Variants in PDCD11 observed in about 807,000 individuals in gnomAD.
PDCD11 encodes protein RRP5 homolog.
Under a neutral mutation model 198.9 loss-of-function variants are expected in PDCD11, and 97 were observed. The ratio of observed to expected loss-of-function variants is 0.49; its 90% CI spans 0.41 to 0.58. The LOEUF (loss-of-function observed/expected upper bound fraction) is 0.58, where lower values mean the gene tolerates loss of function less well. Among genes scored for constraint, PDCD11 ranks in the 20% least tolerant of loss-of-function variants. PDCD11 has a pLI of 0.00. For missense variants in PDCD11, 2,102 were observed against 2,312.7 expected (o/e 0.91, Z 1.87); for synonymous variants, 893 against 918.0 (o/e 0.97, Z 0.49).
At position 103,438,780 on chromosome 10, in the gene PDCD11, T is replaced by C; in HGVS notation, c.3997T>C (p.Ser1333Pro). Reference sequence around the variant, plus strand: ...GCAGCTTCTGAGGGGCTATGTAGGGTCCATCCAGCCACACGGTGTGTTCTT... The same window carrying C: ...GCAGCTTCTGAGGGGCTATGTAGGGCCCATCCAGCCACACGGTGTGTTCTT... The part of the protein sequence containing the change: ...EGQLLRGYVG[S>P]IQPHGVFFRL... The change falls in exon 27 of 36, where the codon TCC becomes CCC. Residue 1333 changes from serine to proline, a missense_variant. Physicochemically the swap from Ser to Pro is moderately conservative, Grantham distance 74. Transcript: ENST00000369797. 6.2e-7 allele frequency: 1 copy of C among 1,614,010 alleles called. No homozygotes were observed. Among genetic ancestry groups the C allele is most frequent in the Non-Finnish European group, 8.5e-7 (1 of 1,179,998 alleles).
Position 103,442,467 on chromosome 10 carries a change from G to T in PDCD11, c.4955+7G>T, listed in dbSNP as rs774919781. 6.2e-7 allele frequency: 1 copy of T among 1,611,682 alleles called. No individual in the cohort carries two copies. ...TTAAGACCATCTCCTTCAGGTCTCAGCTTTGCCCCAGGGAGCACAGTGTCT... is the reference window on the plus strand; with the variant it reads ...TTAAGACCATCTCCTTCAGGTCTCATCTTTGCCCCAGGGAGCACAGTGTCT... On this transcript the variant is annotated splice_region_variant and intron_variant, in intron 32 of 35. Coordinates refer to ENST00000369797, the MANE Select transcript of PDCD11 (RefSeq NM_014976.2).
chr10:103,419,727 A>T lies in PDCD11; in HGVS notation c.2277+19A>T. The stretch of plus-strand genomic sequence containing the variant: ...AAAAGCTGTAAGTTCAACTCCATGT[A>T]CAAGGGCTTTGAGGAGAGATACAAG... On this transcript the variant is annotated intron_variant, in intron 16 of 35. Transcript: ENST00000369797. 6.2e-7 allele frequency: 1 copy of T among 1,612,266 alleles called. No individual in the cohort carries two copies. Among genetic ancestry groups the T allele is most frequent in the Non-Finnish European group, 8.5e-7 (1 of 1,178,730 alleles).
chr10:103,415,213 G>A (rs1478059065), intron 12 of PDCD11, 62 bp downstream of exon 12: 1 of 1,561,828 alleles, frequency 6.4e-7, no homozygotes, highest in East Asian at 2.2e-5. Context: ...GTTCTCAACT[G>A]AAGTTTCTGC....
chr10:103,438,595 TA>T, intron 26 of PDCD11, 90 bp from the exon 27 acceptor site: 1 of 1,528,924 alleles, frequency 6.5e-7, no homozygotes, highest in East Asian at 2.3e-5. Context: ...GTCATATTCT[TA>T]TTTACTAAGT....
At chr10:103,412,607 A>G (rs977666741) in intron 8 of PDCD11, among the ~76,000 whole-genome samples, 2 of 152,186 alleles carry the variant, frequency 1.3e-5, no homozygotes, top group African/African-American at 4.8e-5. Context: ...GATTATAGGC[A>G]TCAGCCACTG....
chr10:103,404,720 G>A (rs1263198189), intron 4 of PDCD11, among the ~76,000 whole-genome samples: 2 of 152,258 alleles, frequency 1.3e-5, no homozygotes, highest in Non-Finnish European at 2.9e-5. Context: ...GGGGTGGAAA[G>A]CAGATTGCAG....
intron 15 of PDCD11, 47 bp downstream of exon 15, chr10:103,418,681 G>T: frequency 6.6e-7 from 1 of 1,519,556 alleles, no homozygotes. Flanking sequence ...GGGGGGCCAT[G>T]GGTGCTTGGA....
rs2031556594 is a variant in PDCD11, at chr10:103,423,621, C to T, written c.2726C>T (p.Ser909Phe). Residue 909 changes from serine (S) to phenylalanine (F), a missense_variant, in exon 19 of 36, where the codon TCC becomes TTC. By Grantham distance (155) the Ser-to-Phe change is radical. Transcript: ENST00000369797. ...CTTTTGAAGTTGGAAGTGCACGTTT[C>T]CCTTCACCAGGACTTGGTGAATAGA... is the stretch of plus-strand genomic sequence containing the variant. The part of the protein sequence containing the change: ...VDLLKLEVHV[S>F]LHQDLVNRKA... The T allele has an allele frequency of 3.7e-6, 6 of 1,613,674 alleles. No individual in the cohort carries two copies. The highest frequency in any genetic ancestry group is 5.1e-6 in the Non-Finnish European group (6 of 1,179,574).
chr10:103,426,445 G>T (rs2031696573), intron 20 of PDCD11, among the ~76,000 whole-genome samples: 1 of 152,152 alleles, frequency 6.6e-6, no homozygotes, highest in African/African-American at 2.4e-5. Context: ...TAGAATGAAA[G>T]AATTGGAGTA....
At chr10:103,416,187 A>G (rs1391285197) in intron 12 of PDCD11, among the ~76,000 whole-genome samples, 1 of 152,216 alleles carries the variant, frequency 6.6e-6, no homozygotes, top group Admixed American at 6.5e-5. Context: ...AGGAGCCAAG[A>G]TGGTGTAGAA....
Position 103,427,441 on chromosome 10 carries a change from G to C in PDCD11, c.3368+50G>C, listed in dbSNP as rs767489595. 4.4e-6 allele frequency: 6 copies of C among 1,366,804 alleles called. No individual in the cohort carries two copies. In the Admixed American group the frequency reaches 1.3e-4, roughly 29 times the overall value. The allele number at this position is 1,366,804 out of a possible 1,614,324, so 84.7% of individuals were successfully genotyped here. On this transcript the variant is annotated intron_variant, in intron 21 of 35. Coordinates refer to ENST00000369797, the MANE Select transcript of PDCD11 (RefSeq NM_014976.2). ...TCTTACGGAAAGAGCACTGGGCTTT[G>C]GAATTAGGAATCCCGAATTCGAATC...
chr10:103,439,802 C>T lies in PDCD11; in HGVS notation c.4082C>T (p.Pro1361Leu), dbSNP rs765395705. 8.1e-6 allele frequency: 13 copies of T among 1,614,134 alleles called. No individual in the cohort carries two copies. Among genetic ancestry groups the T allele is most frequent in the Non-Finnish European group, 7.6e-6 (9 of 1,180,004 alleles). The change falls in exon 28 of 36, where the codon CCG (proline) becomes CTG (leucine). Residue 1361 changes from proline (P) to leucine (L), a missense_variant. Physicochemically the swap from Pro to Leu is moderately conservative, Grantham distance 98. Transcript: ENST00000369797. The part of the protein sequence containing the change: ...ARYSHVSQHS[P>L]SKKALYNKHL... ...TACTCCCATGTCTCCCAGCACAGCC[C>T]GTCCAAGAAAGCCCTTTATAACAAA... is the stretch of plus-strand genomic sequence containing the variant.
Position 103,423,050 on chromosome 10 carries a change from C to T in PDCD11, c.2560C>T (p.Gln854Ter). Residue 854 changes from glutamine (Q) to a stop codon, truncating the protein, a stop_gained, in exon 18 of 36, where the codon CAG (glutamine) becomes TAG (stop). Coordinates refer to ENST00000369797, the MANE Select transcript of PDCD11 (RefSeq NM_014976.2). LOFTEE classifies it high-confidence loss of function. ...TPGMFLDLVV[Q>*]EVLEDGSVVF... ...AGGAATGTTCCTTGACCTAGTGGTG[C>T]AGGAGGTGTTGGAAGATGGCTCTGT... 2 of 1,606,092 alleles carry T rather than the reference C, an allele frequency of 1.2e-6. No individual in the cohort carries two copies. Among genetic ancestry groups the T allele is most frequent in the Non-Finnish European group, 8.5e-7 (1 of 1,175,762 alleles).
At chr10:103,428,664 G>GA (rs2031801265) in intron 21 of PDCD11, among the ~76,000 whole-genome samples, 1 of 152,142 alleles carries the variant, frequency 6.6e-6, no homozygotes, top group Admixed American at 6.5e-5. Flanking sequence ...ATATATGGGG[G>GA]ATGAGTCAGT....
At position 103,438,546 on chromosome 10, in the gene PDCD11, G is replaced by A. The variant is rs888640812; in HGVS notation, c.3903-140G>A. 3 of 1,119,742 alleles carry A rather than the reference G, an allele frequency of 2.7e-6. No homozygotes were observed. The African/African-American group carries it at 4.7e-5, about 17-fold the overall frequency. The allele number at this position is 1,119,742 out of a possible 1,614,324, so 69.4% of individuals were successfully genotyped here. A position where few individuals can be genotyped will look rare whatever the true frequency, so the allele number is the denominator to read the frequency against. ...TGGCAAGATGTTAGGAGAGAGTAGA[G>A]TTGGGCTCTAAAGGTTATATCCTGC... On this transcript the variant is annotated intron_variant, in intron 26 of 35. Transcript: ENST00000369797.
At chr10:103,423,227 C>T (rs921401278) in intron 18 of PDCD11, 90 bp downstream of exon 18, 35 of 1,321,826 alleles carry the variant, frequency 2.6e-5, no homozygotes, top group Admixed American at 3.1e-5. Flanking sequence ...TAAATACTTA[C>T]GGTAGGTGAG....
At chr10:103,440,636 T>A in intron 29 of PDCD11, 55 bp downstream of exon 29, 1 of 1,610,612 alleles carries the variant, frequency 6.2e-7, no homozygotes. Context: ...GGGACAGCCA[T>A]GAGGGCGTGG....
chr10:103,433,657 G>A (rs1330777238), intron 22 of PDCD11, among the ~76,000 whole-genome samples: 2 of 152,250 alleles, frequency 1.3e-5, no homozygotes, highest in Non-Finnish European at 2.9e-5. Context: ...AGAGGTCTGT[G>A]GGATTGGTTC....
At position 103,445,495 on chromosome 10, in the gene PDCD11, C is replaced by G. The variant is rs767238980; in HGVS notation, c.5562C>G (p.Val1854=). Reference sequence around the variant, plus strand: ...GCACTGAGAAGGATGTGCAGGCAGTCAAGGCCAAGGCCCTGGAGTATGTGG... The same window carrying G: ...GCACTGAGAAGGATGTGCAGGCAGTGAAGGCCAAGGCCCTGGAGTATGTGG... ...QHGTEKDVQA[V]KAKALEYVEA... The change falls in exon 36 of 36, where the codon GTC becomes GTG. Residue 1854 remains valine (V), a synonymous_variant. Coordinates refer to ENST00000369797, the MANE Select transcript of PDCD11 (RefSeq NM_014976.2). The G allele has an allele frequency of 3.7e-6, 6 of 1,614,168 alleles. No homozygotes were observed. Among genetic ancestry groups the G allele is most frequent in the Non-Finnish European group, 8.5e-7 (1 of 1,180,040 alleles).
Sources: allele counts gnomAD v4.1 joint callset (sites outside exome capture counted in the v4.1 genomes callset), GRCh38; gene constraint gnomAD v4.1.1; transcripts MANE v1.5; gene names NCBI Gene and HGNC (gene_info 2026-07-23, HGNC 2026-07-21).